Variants in RBM26 observed in about 807,000 individuals in gnomAD.
RBM26 encodes RNA-binding protein 26.
RBM26 carries 30 observed loss-of-function variants against 123.6 expected under a neutral mutation model. That is an observed-to-expected ratio of 0.24 (90% CI 0.18 to 0.33). The LOEUF (loss-of-function observed/expected upper bound fraction) is 0.33. RBM26 is among the 10% of genes least tolerant of loss of function. The pLI is 1.00. For missense variants in RBM26, 947 were observed against 1,203.6 expected, an observed-to-expected ratio of 0.79 and a Z score of 3.15; for synonymous variants, 400 against 404.4, an observed-to-expected ratio of 0.99 and a Z score of 0.13.
At chr13:79,322,048 A>C (rs2067733734) in intron 21 of RBM26, among the ~76,000 whole-genome samples, 1 of 151,566 alleles carries the variant, frequency 6.6e-6, no homozygotes, top group African/African-American at 2.4e-5. Context: ...GATTATCCTA[A>C]AACTTAAAAT....
intron 1 of RBM26, among the ~76,000 whole-genome samples, chr13:79,382,537 C>T (rs2140279049): frequency 6.6e-6 from 1 of 152,284 alleles, no homozygotes; most frequent in African/African-American, 2.4e-5. Flanking sequence ...ACTGCAATTA[C>T]TCTTCTGTGT....
exon 5 of RBM26, chr13:79,313,056 T>A (rs1424904521): frequency 6.6e-6 from 1 of 151,872 alleles, no homozygotes; most frequent in Admixed American, 6.6e-5. Flanking sequence ...AGCTTAATAG[T>A]GTAAAATCTA....
intron 20 of RBM26, among the ~76,000 whole-genome samples, chr13:79,326,526 G>A (rs2068440827): frequency 6.6e-6 from 1 of 152,076 alleles, no homozygotes; most frequent in African/African-American, 2.4e-5. Flanking sequence ...AAATGTAGCT[G>A]ATAATCTAGA....
chr13:79,327,516 TGA>T (rs1478238884), intron 20 of RBM26, among the ~76,000 whole-genome samples: 1 of 151,252 alleles, frequency 6.6e-6, no homozygotes, highest in Admixed American at 6.6e-5. Flanking sequence ...TGTAGAAATG[TGA>T]GAGGTAAAAC....
chr13:79,334,404 C>G lies in RBM26; in HGVS notation c.2760G>C (p.Gln920His). 1 of 1,568,730 alleles carries G rather than the reference C, an allele frequency of 6.4e-7. No homozygotes were observed. Among genetic ancestry groups the G allele is most frequent in the Non-Finnish European group, 8.6e-7 (1 of 1,156,432 alleles). The part of the protein sequence containing the change: ...FAQYGEIEDC[Q>H]IDDSSLHAVI... Reference sequence around the variant, plus strand: ...CTGCATGAAGTGAGGAATCATCAATCTGACAATCTTCAATTTCACCATATT... The same window carrying G: ...CTGCATGAAGTGAGGAATCATCAATGTGACAATCTTCAATTTCACCATATT... Residue 920 changes from glutamine (Q) to histidine (H), a missense_variant, in exon 20 of 22, where the codon CAG (glutamine) becomes CAC (histidine). Gln to His is a conservative substitution (Grantham distance 24). Coordinates refer to ENST00000438737, the MANE Select transcript of RBM26 (RefSeq NM_001366735.2).
chr13:79,368,232 T>C (rs2075538604), intron 6 of RBM26, among the ~76,000 whole-genome samples: 1 of 152,170 alleles, frequency 6.6e-6, no homozygotes. Context: ...CATACCATGT[T>C]AGCCAGGATG....
downstream of RBM26, among the ~76,000 whole-genome samples, chr13:79,317,056 C>T (rs2067215245): frequency 1.3e-5 from 2 of 151,790 alleles, no homozygotes; most frequent in South Asian, 4.1e-4. Flanking sequence ...CTGACTCTAT[C>T]TGCATTACTA....
chr13:79,344,719 G>A lies in RBM26; in HGVS notation c.2134C>T (p.Leu712Phe). The part of the protein sequence containing the change: ...AALKAAQKTL[L>F]VSTSAVDNNE... ...TTATCAACTGCAGAGGTGGAAACAA[G>A]TAAGGTTTTCTGTGCAGCCTTCAAA... The change falls in exon 15 of 22, where the codon CTT (leucine) becomes TTT (phenylalanine). Residue 712 changes from leucine to phenylalanine, a missense_variant. Physicochemically the swap from Leu to Phe is conservative, Grantham distance 22. This residue lies in a region of RBM26 where 493 missense variants were observed against 563.1 expected (regional missense o/e 0.88). Transcript: ENST00000438737. 1.2e-6 allele frequency: 2 copies of A among 1,613,128 alleles called. No homozygotes were observed. The highest frequency in any genetic ancestry group is 1.7e-6 in the Non-Finnish European group (2 of 1,179,380).
intron 20 of RBM26, among the ~76,000 whole-genome samples, chr13:79,326,473 G>A (rs2068432717): frequency 6.6e-6 from 1 of 152,040 alleles, no homozygotes; most frequent in African/African-American, 2.4e-5. Flanking sequence ...TATGAAAGGG[G>A]GGGAAATAGT....
chr13:79,347,114 T>C (rs577039156), intron 14 of RBM26, among the ~76,000 whole-genome samples: 2 of 152,060 alleles, frequency 1.3e-5, no homozygotes, highest in African/African-American at 4.8e-5. Context: ...GACTAAGGAG[T>C]GCTGGTTCAA....
intron 20 of RBM26, among the ~76,000 whole-genome samples, chr13:79,323,364 G>C (rs1019873775): frequency 1.3e-5 from 2 of 151,316 alleles, no homozygotes; most frequent in African/African-American, 4.8e-5. Context: ...AAAATCCCCA[G>C]GTATAAATTT....
intron 1 of RBM26, among the ~76,000 whole-genome samples, chr13:79,395,623 G>A (rs928697924): frequency 6.6e-6 from 1 of 151,972 alleles, no homozygotes. Context: ...GTGTGGTGGT[G>A]TGTGACTGCC....
intron 18 of RBM26, 51 bp from the exon 19 acceptor site, chr13:79,337,353 A>C (rs777279947): frequency 3.8e-6 from 6 of 1,596,946 alleles, no homozygotes; most frequent in Non-Finnish European, 5.1e-6. Flanking sequence ...TACTAACACA[A>C]GCCAAGCATT....
chr13:79,332,755 T>A (rs182946746), intron 20 of RBM26, among the ~76,000 whole-genome samples: 1 of 152,274 alleles, frequency 6.6e-6, no homozygotes, highest in East Asian at 1.9e-4. Context: ...TTTATTGTTA[T>A]TAATTTTGAA....
intron 1 of RBM26, among the ~76,000 whole-genome samples, chr13:79,392,667 T>C (rs1367672957): frequency 6.7e-6 from 1 of 150,340 alleles, no homozygotes; most frequent in East Asian, 1.9e-4. Context: ...AAAACTATGT[T>C]AGCCATTCCA....
intron 1 of RBM26, among the ~76,000 whole-genome samples, chr13:79,386,590 T>TAAAAAAAAAAAA: frequency 4.5e-5 from 1 of 22,084 alleles, no homozygotes; most frequent in African/African-American, 7.8e-5. Flanking sequence ...AACTCTCTCT[T>TAAAAAAAAAAAA]TAAAAAAAAA....
chr13:79,338,503 A>T (rs537459940), intron 18 of RBM26, among the ~76,000 whole-genome samples: 1 of 152,326 alleles, frequency 6.6e-6, no homozygotes, highest in South Asian at 2.1e-4. Context: ...CGCTGAAAGA[A>T]ATGTAATTTC....
At chr13:79,358,974 A>G (rs995008505) in intron 10 of RBM26, among the ~76,000 whole-genome samples, 4 of 152,252 alleles carry the variant, frequency 2.6e-5, no homozygotes, top group Admixed American at 2.6e-4. Flanking sequence ...TCTGCATTAA[A>G]TCACAGAATT....
intron 6 of RBM26, among the ~76,000 whole-genome samples, chr13:79,367,396 G>A (rs2075371075): frequency 1.5e-5 from 1 of 66,182 alleles, no homozygotes; most frequent in Admixed American, 1.9e-4. Context: ...TATAGGGGGA[G>A]ACTCCATCTC....
Sources: gnomAD v4.1 joint callset for allele counts (sites outside exome capture counted in the v4.1 genomes callset) on GRCh38, gnomAD v4.1.1 for gene constraint, gnomAD v4.1.1 regional missense constraint, MANE v1.5 for transcripts, NCBI Gene and HGNC (gene_info 2026-07-23, HGNC 2026-07-21) for gene names.